The following PKHD1 variants were observed in gnomAD, a reference collection of about 807,000 sequenced individuals.
The protein encoded by PKHD1 is fibrocystin.
Under a neutral mutation model 412.0 loss-of-function variants are expected in PKHD1, and 291 were observed. The ratio of observed to expected loss-of-function variants is 0.71; its 90% CI spans 0.64 to 0.78. The LOEUF is 0.78. PKHD1 is among the 30% of genes least tolerant of loss of function. PKHD1 has a pLI of 0.00. For missense variants in PKHD1, 4,825 were observed against 4,950.7 expected, an observed-to-expected ratio of 0.97 and a Z score of 0.76; for synonymous variants, 1,777 against 1,821.5, an observed-to-expected ratio of 0.98 and a Z score of 0.62.
At chr6:51,948,465 A>G (rs1789815490) in intron 36 of PKHD1, among the ~76,000 whole-genome samples, 1 of 151,594 alleles carries the variant, frequency 6.6e-6, no homozygotes, top group African/African-American at 2.4e-5. Flanking sequence ...TTCCCTATTC[A>G]CCTCTCCTGC....
chr6:51,891,505 C>G (rs1054312884), intron 43 of PKHD1, among the ~76,000 whole-genome samples: 9 of 152,002 alleles, frequency 5.9e-5, no homozygotes, highest in Non-Finnish European at 1.2e-4. Context: ...TCTCAAACTC[C>G]CGACCTCAGG....
At chr6:52,050,981 T>C (rs1428720392) in intron 21 of PKHD1, among the ~76,000 whole-genome samples, 1 of 152,238 alleles carries the variant, frequency 6.6e-6, no homozygotes, top group Non-Finnish European at 1.5e-5. Context: ...AACATCCTTT[T>C]AGCTTCTTCC....
At chr6:51,925,455 ATG>A (rs70977319) in intron 37 of PKHD1, among the ~76,000 whole-genome samples, 38 of 144,970 alleles carry the variant, frequency 2.6e-4, no homozygotes, top group Non-Finnish European at 3.8e-4. Context: ...GTGTGTGTGT[ATG>A]TGTGTGTGTG....
chr6:51,912,631 G>C, intron 37 of PKHD1, 55 bp from the exon 38 acceptor site: 2 of 1,169,244 alleles, frequency 1.7e-6, no homozygotes, highest in Non-Finnish European at 2.6e-6. Flanking sequence ...ATCAAAACGT[G>C]ATTAATTTAA....
chr6:51,898,303 T>C (rs1279516384), intron 43 of PKHD1, among the ~76,000 whole-genome samples: 8 of 146,626 alleles, frequency 5.5e-5, no homozygotes, highest in Non-Finnish European at 7.6e-5. Flanking sequence ...ACAGAAATTA[T>C]AACAAACTAT....
chr6:51,745,081 T>C (rs1231894963), intron 59 of PKHD1, among the ~76,000 whole-genome samples: 1 of 152,140 alleles, frequency 6.6e-6, no homozygotes, highest in Non-Finnish European at 1.5e-5. Flanking sequence ...AATTATAATG[T>C]TGACTTACAG....
Position 52,050,260 on chromosome 6 carries a change from C to A in PKHD1, c.2176G>T (p.Gly726Cys). 1 of 1,614,122 alleles carries A rather than the reference C, an allele frequency of 6.2e-7. No homozygotes were observed. The highest frequency in any genetic ancestry group is 8.5e-7 in the Non-Finnish European group (1 of 1,179,996). Residue 726 changes from glycine (G) to cysteine (C), a missense_variant, in exon 22 of 67, where the codon GGC (glycine) becomes TGC (cysteine). Gly to Cys is a radical substitution (Grantham distance 159). Transcript: ENST00000371117. ...ACAGAGACTGATTCCACCAGATTGC[C>A]CCCTGGGCGAGCCGTTCCAGAATCA... ...QADSGTARPG[G>C]NLVESVSVVG...
intron 40 of PKHD1, 150 bp from the exon 41 acceptor site, chr6:51,906,490 G>A (rs1443686673): frequency 4.5e-6 from 3 of 665,564 alleles, no homozygotes; most frequent in South Asian, 1.7e-5. Flanking sequence ...ATCGAATCAA[G>A]AGAATGAGTA....
In PKHD1 at chr6:51,901,305, C is replaced by G. The variant is rs935854955; in HGVS notation, c.6996+2292G>C. Among the ~76,000 whole-genome samples, 45 of 152,236 alleles carry G rather than the reference C, an allele frequency of 3.0e-4. No individual in the cohort carries two copies. In the East Asian group the frequency reaches 6.8e-3, roughly 23 times the overall value. On this transcript the variant is annotated intron_variant, in intron 43 of 66. Coordinates refer to ENST00000371117, the MANE Select transcript of PKHD1 (RefSeq NM_138694.4). The stretch of plus-strand genomic sequence containing the variant: ...ACAATGATAGACTGCATCAAGAAAA[C>G]GTGGCACATATATACCGTGGAATAC...
chr6:52,082,129 C>G (rs1282917777), intron 4 of PKHD1, among the ~76,000 whole-genome samples: 7 of 151,824 alleles, frequency 4.6e-5, no homozygotes, highest in Non-Finnish European at 8.8e-5. Context: ...CCATAGAACT[C>G]TTTGCAAAAA....
Position 51,754,916 on chromosome 6 carries a change from C to T in PKHD1, c.8665G>A (p.Asp2889Asn). Reference protein sequence around the residue: ...NERIIVEDAVDWRPHDKIVLS... With the variant: ...NERIIVEDAVNWRPHDKIVLS... ...ACTATTTTGTCATGGGGGCGCCAAT[C>T]CACTGCATCTTCTACTATAATTCTG... The change falls in exon 56 of 67, where the codon GAT becomes AAT. Residue 2889 changes from aspartate (D) to asparagine (N), a missense_variant. Transcript: ENST00000371117. 1 of 1,613,362 alleles carries T rather than the reference C, an allele frequency of 6.2e-7. No individual in the cohort carries two copies. Among genetic ancestry groups the T allele is most frequent in the South Asian group, 1.1e-5 (1 of 91,060 alleles).
chr6:51,644,559 AG>A (rs1220076045), intron 63 of PKHD1, among the ~76,000 whole-genome samples: 1 of 152,212 alleles, frequency 6.6e-6, no homozygotes, highest in African/African-American at 2.4e-5. Flanking sequence ...GTGATTTTGC[AG>A]GTAGGCTGAT....
chr6:51,848,734 C>T (rs558923311), intron 49 of PKHD1, among the ~76,000 whole-genome samples: 1 of 152,082 alleles, frequency 6.6e-6, no homozygotes, highest in East Asian at 1.9e-4. Context: ...TCCTCATGAC[C>T]ATGGCAGGGC....
At chr6:51,941,753 G>T (rs1788615481) in intron 36 of PKHD1, among the ~76,000 whole-genome samples, 1 of 151,228 alleles carries the variant, frequency 6.6e-6, no homozygotes, top group African/African-American at 2.4e-5. Flanking sequence ...TTCTGTTCTG[G>T]ATCTCAAACA....
intron 60 of PKHD1, among the ~76,000 whole-genome samples, chr6:51,728,923 T>C (rs769353044): frequency 5.9e-5 from 9 of 152,218 alleles, no homozygotes; most frequent in Non-Finnish European, 1.2e-4. Context: ...GCTTATCCTA[T>C]GACAGGCCTG....
At chr6:51,950,220 A>AAAAAAAAAAAAATATATATATATAT in intron 36 of PKHD1, among the ~76,000 whole-genome samples, 3 of 98,302 alleles carry the variant, frequency 3.1e-5, no homozygotes, top group African/African-American at 1.1e-4. Flanking sequence ...GAAAAAAAAA[A>AAAAAAAAAAAAATATATATATATAT]ATATATATAT....
At chr6:51,922,599 A>G (rs1455170642) in intron 37 of PKHD1, among the ~76,000 whole-genome samples, 3 of 152,200 alleles carry the variant, frequency 2.0e-5, no homozygotes, top group African/African-American at 4.8e-5. Context: ...GGCTCCACTC[A>G]GTTCGAGTTT....
At chr6:51,957,610 T>C (rs956410790) in intron 36 of PKHD1, among the ~76,000 whole-genome samples, 5 of 152,098 alleles carry the variant, frequency 3.3e-5, no homozygotes, top group African/African-American at 1.2e-4. Flanking sequence ...CCGACGGGGT[T>C]CACTGATGGG....
chr6:51,833,554 T>A (rs1002145638), intron 51 of PKHD1, among the ~76,000 whole-genome samples: 1 of 152,124 alleles, frequency 6.6e-6, no homozygotes, highest in Non-Finnish European at 1.5e-5. Flanking sequence ...AGAGATCTAC[T>A]GGGAGAATCA....
Sources: allele counts gnomAD v4.1 joint callset (sites outside exome capture counted in the v4.1 genomes callset), GRCh38; gene constraint gnomAD v4.1.1; transcripts MANE v1.5; gene names NCBI Gene and HGNC (gene_info 2026-07-23, HGNC 2026-07-21).